The following ADAMTSL1 variants were observed in gnomAD, a reference collection of about 807,000 sequenced individuals.
ADAMTSL1 encodes the protein ADAMTS-like protein 1.
Under a neutral mutation model 201.8 loss-of-function variants are expected in ADAMTSL1, and 126 were observed. The observed-to-expected ratio is 0.62, with a 90% CI of 0.54 to 0.72. The LOEUF (loss-of-function observed/expected upper bound fraction) is 0.72, where lower values mean the gene tolerates loss of function less well. Ranked by LOEUF, ADAMTSL1 falls within the 30% of genes least tolerant of loss-of-function variation. The probability of loss-of-function intolerance (pLI) is 0.00; values close to 1 mark genes in which losing one functional copy is unlikely to be tolerated. For missense variants in ADAMTSL1, 2,679 were observed against 2,277.8 expected (o/e 1.18, Z -3.59); for synonymous variants, 1,121 against 903.4 (o/e 1.24, Z -4.32).
chr9:18,809,269 T>C (rs1326898479), intron 20 of ADAMTSL1, among the ~76,000 whole-genome samples: 1 of 152,018 alleles, frequency 6.6e-6, no homozygotes, highest in Non-Finnish European at 1.5e-5. Flanking sequence ...AAGGCCTCAC[T>C]AGGAGGTGTT....
At position 18,711,538 on chromosome 9, in the gene ADAMTSL1, C is replaced by T. The variant is rs140104865; in HGVS notation, c.1876+4490C>T. 4.6e-5 allele frequency among the ~76,000 whole-genome samples: 7 copies of T among 152,354 alleles called. No homozygotes were observed. In the South Asian group the frequency reaches 8.3e-4, roughly 18 times the overall value. On this transcript the variant is annotated intron_variant, in intron 14 of 28. Coordinates refer to ENST00000380548, the MANE Select transcript of ADAMTSL1 (RefSeq NM_001040272.6). ...CCACCCAAATACTGCGCTTTTCCGA[C>T]GGGCTTAAAAAACGGTGCAACAGGA...
intron 15 of ADAMTSL1, among the ~76,000 whole-genome samples, chr9:18,751,780 A>G (rs531871610): frequency 1.4e-4 from 21 of 152,350 alleles, no homozygotes; most frequent in African/African-American, 4.8e-4. Context: ...ATATATAGAA[A>G]TGAAAGACAT....
chr9:18,189,936 T>G (rs918277558), intron 2 of ADAMTSL1, among the ~76,000 whole-genome samples: 1 of 152,348 alleles, frequency 6.6e-6, no homozygotes, highest in African/African-American at 2.4e-5. Context: ...GTCTGTGTGC[T>G]GCATTTTAAA....
At chr9:18,874,909 G>A (rs1041739500) in intron 23 of ADAMTSL1, among the ~76,000 whole-genome samples, 6 of 151,108 alleles carry the variant, frequency 4.0e-5, no homozygotes, top group Non-Finnish European at 8.9e-5. Context: ...ACTTTTTTTT[G>A]TTGGCAATTT....
At chr9:18,631,154 A>G (rs934444847) in intron 5 of ADAMTSL1, among the ~76,000 whole-genome samples, 1 of 152,206 alleles carries the variant, frequency 6.6e-6, no homozygotes, top group Non-Finnish European at 1.5e-5. Flanking sequence ...GAAATAGGGT[A>G]TTTTGACAAC....
chr9:18,897,919 T>C (rs1829753142), intron 26 of ADAMTSL1, among the ~76,000 whole-genome samples: 1 of 151,956 alleles, frequency 6.6e-6, no homozygotes, highest in South Asian at 2.1e-4. Context: ...GGCTCACATC[T>C]GTAATTCCAG....
At chr9:18,374,461 T>A (rs1837197217) in intron 2 of ADAMTSL1, among the ~76,000 whole-genome samples, 1 of 151,952 alleles carries the variant, frequency 6.6e-6, no homozygotes, top group African/African-American at 2.4e-5. Flanking sequence ...AGCCTCCAAG[T>A]AGCTGGGAAT....
At chr9:18,332,771 T>A (rs1207775271) in intron 2 of ADAMTSL1, among the ~76,000 whole-genome samples, 2 of 152,168 alleles carry the variant, frequency 1.3e-5, no homozygotes, top group Admixed American at 6.5e-5. Flanking sequence ...AGGCATTGTA[T>A]CCTCTGGCCC....
intron 9 of ADAMTSL1, among the ~76,000 whole-genome samples, chr9:18,665,928 G>A (rs527674651): frequency 1.3e-5 from 2 of 152,158 alleles, no homozygotes; most frequent in African/African-American, 4.8e-5. Flanking sequence ...CCCAATGCCC[G>A]CAGATAACCT....
chr9:18,789,769 CTT>C (rs1177472989), intron 19 of ADAMTSL1, among the ~76,000 whole-genome samples: 1 of 152,078 alleles, frequency 6.6e-6, no homozygotes, highest in African/African-American at 2.4e-5. Context: ...AGGAGCCTGT[CTT>C]TAGCCCCAAG....
At chr9:18,777,946 G>A (rs1390472111) in intron 19 of ADAMTSL1, 40 bp downstream of exon 19, 1 of 1,516,602 alleles carries the variant, frequency 6.6e-7, no homozygotes, top group East Asian at 2.3e-5. Flanking sequence ...AGGGAGGCAA[G>A]GGGCCACATC....
At chr9:18,097,954 G>C (rs555755208) in intron 1 of ADAMTSL1, among the ~76,000 whole-genome samples, 3 of 151,460 alleles carry the variant, frequency 2.0e-5, no homozygotes, top group East Asian at 1.9e-4. Flanking sequence ...AAGTTTTATA[G>C]TTTTAGCTTT....
intron 3 of ADAMTSL1, among the ~76,000 whole-genome samples, chr9:18,559,033 T>C (rs887852436): frequency 3.3e-5 from 5 of 152,220 alleles, no homozygotes; most frequent in East Asian, 3.8e-4. Context: ...TTGTCAATTT[T>C]GGCTTTTGTT....
chr9:18,435,193 C>G (rs1367067482), intron 2 of ADAMTSL1, among the ~76,000 whole-genome samples: 2 of 152,090 alleles, frequency 1.3e-5, no homozygotes, highest in Non-Finnish European at 2.9e-5. Context: ...TATTGAGTGC[C>G]TATTGTACAA....
chr9:18,584,115 A>G (rs1285937451), intron 4 of ADAMTSL1, among the ~76,000 whole-genome samples: 1 of 152,070 alleles, frequency 6.6e-6, no homozygotes, highest in Non-Finnish European at 1.5e-5. Flanking sequence ...GAGTGGAATG[A>G]TGTGTTTTGG....
chr9:18,475,846 G>T (rs1587319787), intron 1 of ADAMTSL1, among the ~76,000 whole-genome samples: 1 of 151,972 alleles, frequency 6.6e-6, no homozygotes, highest in Non-Finnish European at 1.5e-5. Flanking sequence ...ATGGAAGTAT[G>T]ATCTCATTAT....
chr9:18,358,922 G>A lies in ADAMTSL1; in HGVS notation c.208-145907G>A, dbSNP rs547693089. 4.5e-4 allele frequency among the ~76,000 whole-genome samples: 68 copies of A among 152,178 alleles called. No homozygotes were observed. In the South Asian group the frequency reaches 0.012, roughly 28 times the overall value. On this transcript the variant is annotated intron_variant, in intron 2 of 29. Transcript: ENST00000680146. ...CCAATATCACATGCTAACTAGTAGC[G>A]ATTATTGTAATTTTCTATAGCAGAC...
At chr9:18,094,203 G>A (rs1048246285) in intron 1 of ADAMTSL1, among the ~76,000 whole-genome samples, 1 of 152,156 alleles carries the variant, frequency 6.6e-6, no homozygotes, top group African/African-American at 2.4e-5. Flanking sequence ...CTTTCAAACC[G>A]TTTCAAGAAT....
Position 18,439,451 on chromosome 9 carries a change from C to T in ADAMTSL1, c.208-65378C>T, listed in dbSNP as rs564736214. Reference sequence around the variant, plus strand: ...GCGCAATCTTATCTCACTGCAATCTCTACCTCCCTGGTTCAAGCAATTCTC... The same window carrying T: ...GCGCAATCTTATCTCACTGCAATCTTTACCTCCCTGGTTCAAGCAATTCTC... On this transcript the variant is annotated intron_variant, in intron 2 of 29. Transcript: ENST00000680146. 2.2e-3 allele frequency among the ~76,000 whole-genome samples: 330 copies of T among 152,326 alleles called. 1 individual carries two copies. The highest frequency in any genetic ancestry group is 7.6e-3 in the African/African-American group (315 of 41,556).
Sources: allele counts gnomAD v4.1 joint callset (sites outside exome capture counted in the v4.1 genomes callset), GRCh38; gene constraint gnomAD v4.1.1; transcripts MANE v1.5; gene names NCBI Gene and HGNC (gene_info 2026-07-23, HGNC 2026-07-21).